The following SYT16 variants were observed in gnomAD, a reference collection of about 807,000 sequenced individuals.
The protein encoded by SYT16 is synaptotagmin-16.
A neutral mutation model predicts 61.4 loss-of-function variants in SYT16; 42 were observed. The ratio of observed to expected loss-of-function variants is 0.68; its 90% CI spans 0.53 to 0.89. The LOEUF (loss-of-function observed/expected upper bound fraction) is 0.89, where lower values mean the gene tolerates loss of function less well. Among genes scored for constraint, SYT16 ranks in the 40% least tolerant of loss-of-function variants. SYT16 has a pLI of 0.00. For synonymous variants in SYT16, 314 were observed against 302.3 expected, an observed-to-expected ratio of 1.04 and a Z score of -0.40; for missense variants, 804 against 807.3, an observed-to-expected ratio of 1.00 and a Z score of 0.05.
chr14:61,824,422 G>A (rs989376826), intron 1 of SYT16, among the ~76,000 whole-genome samples: 1 of 151,798 alleles, frequency 6.6e-6, no homozygotes, highest in African/African-American at 2.4e-5. Flanking sequence ...GCAGGATCTC[G>A]GCTCACTGCA....
intron 1 of SYT16, among the ~76,000 whole-genome samples, chr14:61,841,989 G>T (rs1034479155): frequency 6.6e-6 from 1 of 152,062 alleles, no homozygotes; most frequent in African/African-American, 2.4e-5. Context: ...ATGAGTGCAG[G>T]TGTCTTCTGT....
At chr14:62,030,938 G>A (rs942261685) in intron 3 of SYT16, among the ~76,000 whole-genome samples, 4 of 152,192 alleles carry the variant, frequency 2.6e-5, no homozygotes, top group African/African-American at 9.6e-5. Flanking sequence ...TGGGATTGAA[G>A]CCTAGGCTAC....
intron 1 of SYT16, among the ~76,000 whole-genome samples, chr14:61,885,201 A>G (rs1256066360): frequency 6.6e-6 from 1 of 152,164 alleles, no homozygotes; most frequent in East Asian, 1.9e-4. Context: ...GGGCTCTTGA[A>G]CCAGACTCTT....
chr14:61,959,086 C>T (rs182909077), intron 1 of SYT16, among the ~76,000 whole-genome samples: 12 of 152,194 alleles, frequency 7.9e-5, no homozygotes, highest in Non-Finnish European at 1.6e-4. Flanking sequence ...CTTTTGGTTA[C>T]TATTTGCATG....
rs370529985 is a variant in SYT16 at position 62,075,200 on chromosome 14, C to A, written c.802C>A (p.Pro268Thr). The A allele has an allele frequency of 1.2e-6, 2 of 1,613,186 alleles. No homozygotes were observed. The highest frequency in any genetic ancestry group is 1.7e-6 in the Non-Finnish European group (2 of 1,179,602). Residue 268 changes from proline to threonine, a missense_variant, in exon 5 of 8, where the codon CCT (proline) becomes ACT (threonine). Coordinates refer to ENST00000683842, the MANE Select transcript of SYT16 (RefSeq NM_001367656.1). The stretch of plus-strand genomic sequence containing the variant: ...CTCCTACGGTGAAGATGACCACATC[C>A]CTGCTCACTCACAGTCCCCATGTGA... ...NLSYGEDDHI[P>T]AHSQSPCERG...
chr14:62,071,524 G>A (rs2056300274), intron 4 of SYT16, among the ~76,000 whole-genome samples: 1 of 152,180 alleles, frequency 6.6e-6, no homozygotes, highest in Non-Finnish European at 1.5e-5. Flanking sequence ...TGTAGATTTT[G>A]AAGAAAATCA....
chr14:62,056,812 A>C (rs766951768), intron 3 of SYT16, among the ~76,000 whole-genome samples: 1 of 152,200 alleles, frequency 6.6e-6, no homozygotes, highest in South Asian at 2.1e-4. Flanking sequence ...ACTGGAGGCA[A>C]TGAAGACACG....
chr14:61,892,919 T>C (rs1201900884), intron 1 of SYT16, among the ~76,000 whole-genome samples: 1 of 152,080 alleles, frequency 6.6e-6, no homozygotes, highest in Non-Finnish European at 1.5e-5. Context: ...TTTTTTTCCT[T>C]CCCTTTGCCA....
chr14:62,025,509 A>G (rs536670093), intron 3 of SYT16, among the ~76,000 whole-genome samples: 126 of 152,106 alleles, frequency 8.3e-4, no homozygotes, highest in Non-Finnish European at 1.7e-3. Flanking sequence ...CGTTTATCAG[A>G]TATATCTTTC....
intron 1 of SYT16, among the ~76,000 whole-genome samples, chr14:61,952,459 A>C (rs887239639): frequency 6.6e-6 from 1 of 152,310 alleles, no homozygotes; most frequent in Middle Eastern, 3.4e-3. Flanking sequence ...CTGAGCCTAC[A>C]TCTGAGTATT....
intron 1 of SYT16, among the ~76,000 whole-genome samples, chr14:61,954,763 G>A (rs553291152): frequency 1.3e-5 from 2 of 152,198 alleles, no homozygotes; most frequent in South Asian, 2.1e-4. Context: ...CACTGATAGA[G>A]CTGTTGGCTT....
chr14:62,075,270 G>T lies in SYT16; in HGVS notation c.872G>T (p.Ser291Ile), dbSNP rs146869637. The change falls in exon 5 of 8, where the codon AGT becomes ATT. Residue 291 changes from serine (S) to isoleucine (I), a missense_variant. Physicochemically the swap from Ser to Ile is moderately radical, Grantham distance 142. Transcript: ENST00000683842. The part of the protein sequence containing the change: ...KHHGTSHQES[S>I]VVQSLRRQST... Reference sequence around the variant, plus strand: ...CACGGCACATCTCACCAAGAGTCCAGTGTGGTCCAAAGCCTCAGGCGCCAA... The same window carrying T: ...CACGGCACATCTCACCAAGAGTCCATTGTGGTCCAAAGCCTCAGGCGCCAA... 9.9e-6 allele frequency: 16 copies of T among 1,613,786 alleles called. No individual in the cohort carries two copies. Among genetic ancestry groups the T allele is most frequent in the African/African-American group, 1.3e-5 (1 of 74,904 alleles).
At chr14:62,068,032 G>T (rs530298607) in intron 3 of SYT16, among the ~76,000 whole-genome samples, 8 of 152,072 alleles carry the variant, frequency 5.3e-5, no homozygotes, top group African/African-American at 1.7e-4. Flanking sequence ...TGATCCACAA[G>T]TCCATCTTCT....
At chr14:62,072,164 T>A (rs1341928788) in intron 4 of SYT16, among the ~76,000 whole-genome samples, 1 of 152,118 alleles carries the variant, frequency 6.6e-6, no homozygotes, top group Non-Finnish European at 1.5e-5. Flanking sequence ...TAACCTTATT[T>A]TTGTGTATGG....
intron 3 of SYT16, among the ~76,000 whole-genome samples, chr14:62,011,458 A>G (rs186421868): frequency 4.6e-5 from 7 of 152,278 alleles, no homozygotes; most frequent in Admixed American, 3.3e-4. Context: ...GGCTTGATTC[A>G]CGTGGCTTGA....
chr14:61,978,858 G>A (rs1245460588), intron 2 of SYT16, among the ~76,000 whole-genome samples: 1 of 152,194 alleles, frequency 6.6e-6, no homozygotes, highest in Non-Finnish European at 1.5e-5. Context: ...ATATTGGGCA[G>A]TTGACTTCTG....
intron 1 of SYT16, among the ~76,000 whole-genome samples, chr14:61,862,124 A>G (rs1177571049): frequency 1.3e-5 from 2 of 152,256 alleles, no homozygotes; most frequent in Non-Finnish European, 2.9e-5. Context: ...TTATGAAAGT[A>G]TAATTTGCAT....
chr14:62,045,141 T>A (rs372638167), intron 3 of SYT16, among the ~76,000 whole-genome samples: 6 of 151,648 alleles, frequency 4.0e-5, no homozygotes, highest in East Asian at 1.9e-4. Flanking sequence ...ATGTCTAAAA[T>A]AAATAAATAA....
intron 1 of SYT16, among the ~76,000 whole-genome samples, chr14:61,925,481 T>G (rs2049499596): frequency 6.6e-6 from 1 of 152,224 alleles, no homozygotes; most frequent in East Asian, 1.9e-4. Context: ...ATTATATTCT[T>G]AGCATTAAAA....
Sources: gnomAD v4.1 joint callset for allele counts (sites outside exome capture counted in the v4.1 genomes callset) on GRCh38, gnomAD v4.1.1 for gene constraint, MANE v1.5 for transcripts, NCBI Gene and HGNC (gene_info 2026-07-23, HGNC 2026-07-21) for gene names.